The following UNK variants were observed in gnomAD, a reference collection of about 807,000 sequenced individuals.
UNK encodes unk zinc finger.
A neutral mutation model predicts 97.6 loss-of-function variants in UNK; 32 were observed. The ratio of observed to expected loss-of-function variants is 0.33; its 90% confidence interval spans 0.25 to 0.44. The LOEUF is 0.44. Among genes scored for constraint, UNK ranks in the 20% least tolerant of loss-of-function variants. UNK has a pLI of 1.00. For synonymous variants in UNK, 441 were observed against 461.2 expected (o/e 0.96, Z 0.56); for missense variants, 771 against 1,098.4 (o/e 0.70, Z 4.21).
At chr17:75,820,424 C>T (rs568296873) in intron 13 of UNK, among the ~76,000 whole-genome samples, 1 of 152,308 alleles carries the variant, frequency 6.6e-6, no homozygotes, top group African/African-American at 2.4e-5. Context: ...TCTCAGTTGC[C>T]AGGGCTGGGC....
At chr17:75,821,270 C>T (rs1407005299) in intron 13 of UNK, 1 of 401,928 alleles carries the variant, frequency 2.5e-6, no homozygotes, top group Non-Finnish European at 5.1e-6. Context: ...CCTTCCTGCA[C>T]CATGTGACTA....
Position 75,816,663 on chromosome 17 carries a change from C to G in UNK, c.962-107C>G, listed in dbSNP as rs1278984030. On this transcript the variant is annotated intron_variant, in intron 7 of 15. Coordinates refer to ENST00000589666, the MANE Select transcript of UNK (RefSeq NM_001080419.3). The surrounding 1 kb of genome is among the most constrained non-coding windows in gnomAD (Gnocchi z 4.0). Reference sequence around the variant, plus strand: ...ACTAGAGATGTCGTAGGAACCTTCCCTTTATGTGCAGGGGGATTTGTGGTC... The same window carrying G: ...ACTAGAGATGTCGTAGGAACCTTCCGTTTATGTGCAGGGGGATTTGTGGTC... 2 of 1,378,772 alleles carry G rather than the reference C, an allele frequency of 1.5e-6. 1 individual carries two copies. 85.4% of individuals were successfully genotyped at this position (1,378,772 alleles called of 1,614,324 possible).
Position 75,820,096 on chromosome 17 carries a change from C to G in UNK, c.1825C>G (p.His609Asp). Residue 609 changes from histidine (H) to aspartate (D), a missense_variant, in exon 13 of 16, where the codon CAT becomes GAT. Physicochemically the swap from His to Asp is moderately conservative, Grantham distance 81. Around this residue, in one of 5 missense-constraint regions of UNK, gnomAD observed 91 missense variants for 173.1 expected, o/e 0.53. Coordinates refer to ENST00000589666, the MANE Select transcript of UNK (RefSeq NM_001080419.3). ...ENTFLGTSAS[H>D]GSLGLNGMNS... ...CACATTTTTGGGAACCTCAGCATCA[C>G]ATGGATCTTTGGGTAAGAGAGGGAG... 1 of 1,610,864 alleles carries G rather than the reference C, an allele frequency of 6.2e-7. No homozygotes were observed. Among genetic ancestry groups the G allele is most frequent in the Non-Finnish European group, 8.5e-7 (1 of 1,178,180 alleles).
chr17:75,790,361 G>T (rs1343820348), intron 1 of UNK, among the ~76,000 whole-genome samples: 1 of 151,952 alleles, frequency 6.6e-6, no homozygotes, highest in Admixed American at 6.6e-5. Context: ...TATCCAGCTG[G>T]GTATGCTAGC....
At chr17:75,785,275 T>G in intron 1 of UNK, 2 of 359,072 alleles carry the variant, frequency 5.6e-6, no homozygotes, top group Non-Finnish European at 1.0e-5. Context: ...GGCCTAACTG[T>G]TCCTCAGACC....
chr17:75,815,709 T>C (rs2062009964), intron 7 of UNK, among the ~76,000 whole-genome samples: 1 of 152,032 alleles, frequency 6.6e-6, no homozygotes, highest in South Asian at 2.1e-4. Context: ...TATTTAAGCA[T>C]GTTAACAAAA....
In UNK at chr17:75,813,811, G is replaced by T; in HGVS notation, c.809G>T (p.Gly270Val). 6.2e-7 allele frequency: 1 copy of T among 1,600,240 alleles called. No individual in the cohort carries two copies. The highest frequency in any genetic ancestry group is 8.5e-7 in the Non-Finnish European group (1 of 1,174,098). Residue 270 changes from glycine to valine, a missense_variant, in exon 6 of 16, where the codon GGC (glycine) becomes GTC (valine). This residue lies in a region of UNK where 246 missense variants were observed against 440.7 expected (regional missense o/e 0.56). Coordinates refer to ENST00000589666, the MANE Select transcript of UNK (RefSeq NM_001080419.3). ...VKHGDEWGDP[G>V]KCENGDACQY... ...CACGGGGATGAGTGGGGAGACCCTG[G>T]CAAGTGTGAGAACGGAGACGCCTGC... is the stretch of plus-strand genomic sequence containing the variant.
chr17:75,820,769 G>A (rs2062060389), intron 13 of UNK, among the ~76,000 whole-genome samples: 1 of 152,096 alleles, frequency 6.6e-6, no homozygotes, highest in African/African-American at 2.4e-5. Flanking sequence ...GGGCGGGATG[G>A]GAAGCACATG....
In UNK at chr17:75,813,109, G is replaced by C; in HGVS notation, c.654G>C (p.Thr218=). The change falls in exon 5 of 16, where the codon ACG becomes ACC. Residue 218 remains threonine, a synonymous_variant. Transcript: ENST00000589666. The part of the protein sequence containing the change: ...ETAYVLGNYK[T]EPCKKPPRLC... ...CTTATGTGCTGGGGAACTATAAGAC[G>C]GAGCCTTGCAAGAAGCCCCCGCGGC... 6.3e-7 allele frequency: 1 copy of C among 1,587,310 alleles called. No individual in the cohort carries two copies. The highest frequency in any genetic ancestry group is 8.6e-7 in the Non-Finnish European group (1 of 1,166,944).
At chr17:75,801,155 G>T (rs534043118) in intron 1 of UNK, among the ~76,000 whole-genome samples, 12 of 151,882 alleles carry the variant, frequency 7.9e-5, no homozygotes, top group African/African-American at 2.7e-4. Flanking sequence ...CGCCCGCCTC[G>T]ACCTCCCAAA....
chr17:75,806,143 A>G (rs917045025), intron 1 of UNK, among the ~76,000 whole-genome samples: 31 of 151,156 alleles, frequency 2.1e-4, no homozygotes, highest in Non-Finnish European at 4.0e-4. Context: ...TAAAATATTT[A>G]CCATCTGGTC....
chr17:75,824,412 T>A lies in UNK; in HGVS notation c.2428T>A (p.Ser810Thr). The A allele has an allele frequency of 2.0e-6, 3 of 1,530,560 alleles. No individual in the cohort carries two copies. The highest frequency in any genetic ancestry group is 2.6e-6 in the Non-Finnish European group (3 of 1,140,472). The allele number at this position is 1,530,560 out of a possible 1,614,324, so 94.8% of individuals were successfully genotyped here. Reference protein sequence around the residue: ...CQPGRAHTLQS With the variant: ...CQPGRAHTLQT ...GCCTGGCCGGGCCCACACCCTCCAG[T>A]CGTGACCCTGCAGGCCTGGCCCAGC... Residue 810 changes from serine (S) to threonine (T), a missense_variant, in exon 16 of 16, where the codon TCG (serine) becomes ACG (threonine). By Grantham distance (58) the Ser-to-Thr change is moderately conservative. Around this residue, in one of 5 missense-constraint regions of UNK, gnomAD observed 208 missense variants for 257.4 expected, o/e 0.81. Coordinates refer to ENST00000589666, the MANE Select transcript of UNK (RefSeq NM_001080419.3). The surrounding 1 kb of genome is among the most constrained non-coding windows in gnomAD (Gnocchi z 4.9).
At chr17:75,789,300 T>A (rs1437198816) in intron 1 of UNK, among the ~76,000 whole-genome samples, 1 of 152,164 alleles carries the variant, frequency 6.6e-6, no homozygotes, top group Non-Finnish European at 1.5e-5. Context: ...CGATAATGTA[T>A]ATGTATTATT....
At chr17:75,798,815 C>T (rs2061830172) in intron 1 of UNK, among the ~76,000 whole-genome samples, 1 of 151,878 alleles carries the variant, frequency 6.6e-6, no homozygotes, top group African/African-American at 2.4e-5. Context: ...GCCTGTAATC[C>T]CAGCACTTTG....
chr17:75,824,129 T>A lies in UNK; in HGVS notation c.2278-133T>A. Reference sequence around the variant, plus strand: ...CTGCTCTCTCACCTGCCAACAGGGGTCTGGGAGCACACTGTTGAGCTCGGT... The same window carrying A: ...CTGCTCTCTCACCTGCCAACAGGGGACTGGGAGCACACTGTTGAGCTCGGT... On this transcript the variant is annotated intron_variant, in intron 15 of 15. Transcript: ENST00000589666. This position sits in a 1 kb window ranked among gnomAD's most constrained non-coding sequence, Gnocchi z 4.9. 2 of 1,118,474 alleles carry A rather than the reference T, an allele frequency of 1.8e-6. No homozygotes were observed. Among genetic ancestry groups the A allele is most frequent in the South Asian group, 3.5e-5 (2 of 56,624 alleles). 69.3% of individuals were successfully genotyped at this position (1,118,474 alleles called of 1,614,324 possible).
chr17:75,794,783 A>C (rs1234617459), intron 1 of UNK, among the ~76,000 whole-genome samples: 1 of 152,188 alleles, frequency 6.6e-6, no homozygotes, highest in Non-Finnish European at 1.5e-5. Context: ...TTTGTGTATC[A>C]GTTTCCTGAG....
Position 75,819,789 on chromosome 17 carries a change from C to T in UNK, c.1648+4C>T. ...CACCCAGGAAGCATCACCATCGGTA[C>T]TGGGTGTGGGTGGGCAGGGCAGCCT... is the stretch of plus-strand genomic sequence containing the variant. On this transcript the variant is annotated splice_donor_region_variant and intron_variant, in intron 12 of 15. Transcript: ENST00000589666. This position sits in a 1 kb window ranked among gnomAD's most constrained non-coding sequence, Gnocchi z 5.4. 1 of 1,613,756 alleles carries T rather than the reference C, an allele frequency of 6.2e-7. No homozygotes were observed. Among genetic ancestry groups the T allele is most frequent in the Non-Finnish European group, 8.5e-7 (1 of 1,179,864 alleles).
In UNK at chr17:75,824,493, T is replaced by G; in HGVS notation, c.*76T>G. 5.1e-5 allele frequency: 44 copies of G among 861,004 alleles called. No individual in the cohort carries two copies. Among genetic ancestry groups the G allele is most frequent in the Middle Eastern group, 4.4e-4 (1 of 2,266 alleles). The allele number at this position is 861,004 out of a possible 1,614,324, so 53.3% of individuals were successfully genotyped here. On this transcript the variant is annotated 3_prime_UTR_variant, in exon 16 of 16. Coordinates refer to ENST00000589666, the MANE Select transcript of UNK (RefSeq NM_001080419.3). This position sits in a 1 kb window ranked among gnomAD's most constrained non-coding sequence, Gnocchi z 4.9. ...TAAAGTATATATATATATATGAATA[T>G]ATATATATATGTGTATGTATGTATG...
intron 1 of UNK, among the ~76,000 whole-genome samples, chr17:75,800,441 A>C (rs2061845594): frequency 6.6e-6 from 1 of 151,616 alleles, no homozygotes; most frequent in South Asian, 2.1e-4. Context: ...AGAGTCCCTA[A>C]ATAAAGCTTC....
Sources: gnomAD v4.1 joint callset for allele counts (sites outside exome capture counted in the v4.1 genomes callset) on GRCh38, gnomAD v4.1.1 for gene constraint, gnomAD v4.1.1 regional missense constraint, Gnocchi (gnomAD v3.1) non-coding constraint, MANE v1.5 for transcripts, NCBI Gene and HGNC (gene_info 2026-07-23, HGNC 2026-07-21) for gene names.